NCBP1: variants seen among roughly 807,000 people sequenced by gnomAD.
The protein encoded by NCBP1 is nuclear cap binding protein subunit 1.
Under a neutral mutation model 111.7 loss-of-function variants are expected in NCBP1, and 16 were observed. That is an observed-to-expected ratio of 0.14 (90% CI 0.10 to 0.22). The LOEUF (loss-of-function observed/expected upper bound fraction) is 0.22. Among genes scored for constraint, NCBP1 ranks in the 10% least tolerant of loss-of-function variants. The pLI is 1.00. For synonymous variants in NCBP1, 304 were observed against 314.3 expected, an observed-to-expected ratio of 0.97 and a Z score of 0.35; for missense variants, 607 against 957.5, an observed-to-expected ratio of 0.63 and a Z score of 4.83.
chr9:97,643,787 T>C (rs928935538), intron 4 of NCBP1, among the ~76,000 whole-genome samples: 1 of 152,170 alleles, frequency 6.6e-6, no homozygotes, highest in Admixed American at 6.5e-5. Flanking sequence ...CTCTCAAGTC[T>C]GTCCTTTCTT....
chr9:97,645,930 A>G (rs1354748709), intron 6 of NCBP1, among the ~76,000 whole-genome samples, 198 bp downstream of exon 6: 1 of 152,234 alleles, frequency 6.6e-6, no homozygotes, highest in African/African-American at 2.4e-5. Flanking sequence ...AGTGCAAAGG[A>G]CAGTTGGCAA....
At chr9:97,633,959 A>T (rs1826911006) in intron 1 of NCBP1, 44 bp downstream of exon 1, 2 of 1,553,380 alleles carry the variant, frequency 1.3e-6, no homozygotes, top group Non-Finnish European at 1.7e-6. Flanking sequence ...CCCGGTTGGG[A>T]GCCGAGGCTC....
intron 6 of NCBP1, 43 bp from the exon 7 acceptor site, chr9:97,647,447 CTT>C (rs775379488): frequency 1.2e-5 from 17 of 1,469,212 alleles, no homozygotes; most frequent in African/African-American, 2.8e-5. Flanking sequence ...CTGAGCATCT[CTT>C]GTTTTTAAAA....
At chr9:97,656,212 T>A in intron 14 of NCBP1, 127 bp downstream of exon 14, 1 of 795,834 alleles carries the variant, frequency 1.3e-6, no homozygotes, top group Non-Finnish European at 2.0e-6. Flanking sequence ...CCATTTTTAA[T>A]CAAGACTTAG....
chr9:97,656,002 C>T lies in NCBP1; in HGVS notation c.1299-9C>T. On this transcript the variant is annotated splice_polypyrimidine_tract_variant and intron_variant, in intron 13 of 22. Coordinates refer to ENST00000375147, the MANE Select transcript of NCBP1 (RefSeq NM_002486.5). ...TGTAAGCATTGATAAAACTACATTT[C>T]CTCCTTAGGTCAGATTGTCTTAGTC... The T allele has an allele frequency of 3.7e-6, 6 of 1,611,446 alleles. No individual in the cohort carries two copies. The highest frequency in any genetic ancestry group is 5.1e-6 in the Non-Finnish European group (6 of 1,177,802).
Position 97,643,188 on chromosome 9 carries a change from T to A in NCBP1, c.225-16T>A. The A allele has an allele frequency of 6.4e-7, 1 of 1,565,762 alleles. No homozygotes were observed. The highest frequency in any genetic ancestry group is 8.6e-7 in the Non-Finnish European group (1 of 1,165,398). ...TTGTTTTGGGGTTTTCTTGTTATAC[T>A]GGGTTCTTAAATCAGTGCACGCCTA... On this transcript the variant is annotated splice_polypyrimidine_tract_variant and intron_variant, in intron 3 of 22. Transcript: ENST00000375147.
chr9:97,650,432 A>C lies in NCBP1; in HGVS notation c.898-71A>C, dbSNP rs1269542354. ...GTGCTTGGAACATAATAGTCTCTCA[A>C]ATATTTGTTGAATAAGTAAAAGAAA... is the stretch of plus-strand genomic sequence containing the variant. On this transcript the variant is annotated intron_variant, in intron 8 of 22. Transcript: ENST00000375147. 6.0e-6 allele frequency: 7 copies of C among 1,168,668 alleles called. No homozygotes were observed. In the African/African-American group the frequency reaches 6.2e-5, roughly 10 times the overall value. 72.4% of individuals were successfully genotyped at this position (1,168,668 alleles called of 1,614,324 possible).
chr9:97,660,654 C>T (rs1041938021), intron 15 of NCBP1, among the ~76,000 whole-genome samples: 1 of 152,162 alleles, frequency 6.6e-6, no homozygotes, highest in Non-Finnish European at 1.5e-5. Flanking sequence ...TTTCTCCTTA[C>T]CATTCATCTT....
At chr9:97,636,805 T>C (rs1013903833) in intron 1 of NCBP1, among the ~76,000 whole-genome samples, 4 of 151,758 alleles carry the variant, frequency 2.6e-5, no homozygotes, top group Non-Finnish European at 5.9e-5. Flanking sequence ...AAGTATAGTG[T>C]ATCATATAGT....
intron 22 of NCBP1, 147 bp downstream of exon 22, chr9:97,669,853 A>T: frequency 1.4e-6 from 1 of 711,278 alleles, no homozygotes; most frequent in South Asian, 1.5e-5. Flanking sequence ...ACCATTGCTC[A>T]TCAGAATATT....
At chr9:97,647,220 A>G (rs1382283762) in intron 6 of NCBP1, among the ~76,000 whole-genome samples, 1 of 152,220 alleles carries the variant, frequency 6.6e-6, no homozygotes, top group Non-Finnish European at 1.5e-5. Flanking sequence ...GGTTCTAAAC[A>G]ATTTTGATAG....
chr9:97,640,514 C>T (rs1387787535), intron 1 of NCBP1, among the ~76,000 whole-genome samples: 1 of 152,026 alleles, frequency 6.6e-6, no homozygotes, highest in Non-Finnish European at 1.5e-5. Context: ...AGCTTGTCCA[C>T]AGAAATGGAC....
chr9:97,663,549 A>G (rs1294805104), intron 18 of NCBP1, among the ~76,000 whole-genome samples: 1 of 152,004 alleles, frequency 6.6e-6, no homozygotes, highest in African/African-American at 2.4e-5. Flanking sequence ...CAGTGGCGCA[A>G]TCTTGGCTCA....
At chr9:97,657,928 T>TA (rs1827716061) in intron 14 of NCBP1, among the ~76,000 whole-genome samples, 10 of 63,220 alleles carry the variant, frequency 1.6e-4, no homozygotes, top group East Asian at 3.0e-4. Flanking sequence ...ATATATATAT[T>TA]TTTTTTTTTT....
chr9:97,646,926 C>G (rs1405590963), intron 6 of NCBP1, among the ~76,000 whole-genome samples: 2 of 147,142 alleles, frequency 1.4e-5, no homozygotes, highest in Non-Finnish European at 3.0e-5. Context: ...CCAATATACA[C>G]ACTGTTCTTC....
rs1450176703 is a variant in NCBP1 at position 97,655,689 on chromosome 9, C to G, written c.1236-13C>G. On this transcript the variant is annotated splice_polypyrimidine_tract_variant and intron_variant, in intron 12 of 22. Transcript: ENST00000375147. ...TTCCTTTTTCTCTGCCTACCTCCCCCTTCTCTACGTAGGTTTATTAATTGG... is the reference window on the plus strand; with the variant it reads ...TTCCTTTTTCTCTGCCTACCTCCCCGTTCTCTACGTAGGTTTATTAATTGG... 3.1e-6 allele frequency: 5 copies of G among 1,602,396 alleles called. No individual in the cohort carries two copies. The highest frequency in any genetic ancestry group is 2.2e-5 in the East Asian group (1 of 44,674).
At position 97,663,062 on chromosome 9, in the gene NCBP1, A is replaced by AGAAG; in HGVS notation, c.1797+15_1797+16insGAAG. On this transcript the variant is annotated intron_variant, in intron 18 of 22. Coordinates refer to ENST00000375147, the MANE Select transcript of NCBP1 (RefSeq NM_002486.5). ...ACCATCCACAGGTAAAAATTATTTA[A>AGAAG]TTAGACATGTTGAAGCTCTGATTGT... The AGAAG allele has an allele frequency of 3.8e-6, 6 of 1,573,588 alleles. No homozygotes were observed. The highest frequency in any genetic ancestry group is 4.4e-6 in the Non-Finnish European group (5 of 1,148,672).
At position 97,645,720 on chromosome 9, in the gene NCBP1, A is replaced by G; in HGVS notation, c.599A>G (p.Glu200Gly). ...ATGGACCGCATCTTTGCCAACACTG[A>G]AAGCTATCTTAAGTAAGGGCACAGC... ...AEMDRIFANT[E>G]SYLKRRQKTH... The change falls in exon 6 of 23, where the codon GAA becomes GGA. Residue 200 changes from glutamate (E) to glycine (G), a missense_variant. Glu to Gly is a moderately conservative substitution (Grantham distance 98). Transcript: ENST00000375147. 6.2e-7 allele frequency: 1 copy of G among 1,613,962 alleles called. No homozygotes were observed. The highest frequency in any genetic ancestry group is 8.5e-7 in the Non-Finnish European group (1 of 1,179,918).
At position 97,654,601 on chromosome 9, in the gene NCBP1, A is replaced by G. The variant is rs545643752; in HGVS notation, c.1171-279A>G. Among the ~76,000 whole-genome samples, 8 of 152,220 alleles carry G rather than the reference A, an allele frequency of 5.3e-5. No individual in the cohort carries two copies. In the South Asian group the frequency reaches 8.3e-4, roughly 16 times the overall value. On this transcript the variant is annotated intron_variant, in intron 11 of 22. Transcript: ENST00000375147. ...AAAGAAGCAATTTCTGCTAAGCACA[A>G]TGAAACAATGTATGCCTGTGCGTAT...
Sources: allele counts gnomAD v4.1 joint callset (sites outside exome capture counted in the v4.1 genomes callset), GRCh38; gene constraint gnomAD v4.1.1; transcripts MANE v1.5; gene names NCBI Gene and HGNC (gene_info 2026-07-23, HGNC 2026-07-21).